The following CSDE1 variants were observed in gnomAD, a reference collection of about 807,000 sequenced individuals.
CSDE1 encodes the protein cold shock domain-containing protein E1.
CSDE1 carries 17 observed loss-of-function variants against 89.3 expected under a neutral mutation model. That is an observed-to-expected ratio of 0.19 (90% CI 0.13 to 0.29). The LOEUF (loss-of-function observed/expected upper bound fraction) is 0.29. Ranked by LOEUF, CSDE1 falls within the 10% of genes least tolerant of loss-of-function variation. The pLI is 1.00. For synonymous variants in CSDE1, 322 were observed against 332.8 expected, an observed-to-expected ratio of 0.97 and a Z score of 0.35; for missense variants, 672 against 984.2, an observed-to-expected ratio of 0.68 and a Z score of 4.24.
chr1:114,751,324 TAC>T (rs769723334), intron 1 of CSDE1, among the ~76,000 whole-genome samples: 4 of 152,220 alleles, frequency 2.6e-5, no homozygotes, highest in Non-Finnish European at 4.4e-5. Context: ...AAATTATTTC[TAC>T]AGAGATAAGA....
intron 12 of CSDE1, among the ~76,000 whole-genome samples, chr1:114,728,526 T>C (rs1034205434): frequency 1.3e-5 from 2 of 151,698 alleles, no homozygotes; most frequent in African/African-American, 4.8e-5. Context: ...ACTGTTGGAC[T>C]AAGAAAGAAA....
rs1360614772 is a variant in CSDE1 at position 114,739,843 on chromosome 1, G to A, written c.48C>T (p.Tyr16=). 7.4e-6 allele frequency: 12 copies of A among 1,614,020 alleles called. No homozygotes were observed. Among genetic ancestry groups the A allele is most frequent in the Non-Finnish European group, 9.3e-6 (11 of 1,179,950 alleles). ...GCAGTGCTGCTGAAGTACCATTAGG[G>A]TACCCATTATGTCCATTGTTGTGGA... is the stretch of plus-strand genomic sequence containing the variant. ...NLLHNNGHNG[Y]PNGTSAALRE... The change falls in exon 3 of 20, where the codon TAC becomes TAT. Residue 16 remains tyrosine, a synonymous_variant. Coordinates refer to ENST00000358528, the MANE Select transcript of CSDE1 (RefSeq NM_001007553.3).
rs150484514 is a variant in CSDE1 at position 114,739,567 on chromosome 1, C to T, written c.199+125G>A. On this transcript the variant is annotated intron_variant, in intron 3 of 19. Transcript: ENST00000358528. ...GTTTATACAGATATTCTTCACTAAA[C>T]AGTACAACTAAAAGTCCAAAATGTT... 1.5e-4 allele frequency: 106 copies of T among 725,158 alleles called. No homozygotes were observed. The African/African-American group carries it at 1.6e-3, about 11-fold the overall frequency. 44.9% of individuals were successfully genotyped at this position (725,158 alleles called of 1,614,324 possible). A position where few individuals can be genotyped will look rare whatever the true frequency, so the allele number is the denominator to read the frequency against.
chr1:114,750,864 A>G (rs1421559235), intron 1 of CSDE1, among the ~76,000 whole-genome samples: 2 of 152,240 alleles, frequency 1.3e-5, no homozygotes, highest in East Asian at 3.8e-4. Flanking sequence ...TTCTTTCTTC[A>G]GAGCAGCGAC....
At position 114,717,716 on chromosome 1, in the gene CSDE1, T is replaced by C. The variant is rs1227392961; in HGVS notation, c.*453A>G. On this transcript the variant is annotated 3_prime_UTR_variant, in exon 20 of 20. Transcript: ENST00000358528. ...TCATATGGTCCTCAGAATTAAAGCA[T>C]AATGAACAGGAAGAAAAAGGAAAAG... The C allele has an allele frequency of 6.4e-6, 1 of 157,224 alleles. No individual in the cohort carries two copies. Among genetic ancestry groups the C allele is most frequent in the African/African-American group, 2.4e-5 (1 of 41,568 alleles). The allele number at this position is 157,224 out of a possible 1,614,324, so 9.7% of individuals were successfully genotyped here. A position where few individuals can be genotyped will look rare whatever the true frequency, so the allele number is the denominator to read the frequency against.
At chr1:114,741,475 A>G (rs1660724280) in intron 2 of CSDE1, 2 of 1,486,192 alleles carry the variant, frequency 1.3e-6, no homozygotes, top group Non-Finnish European at 1.8e-6. Context: ...ATCCTAGGTC[A>G]TGCTCTTAAC....
At chr1:114,748,549 A>G (rs1661136506) in intron 2 of CSDE1, 2 of 152,220 alleles carry the variant, frequency 1.3e-5, no homozygotes, top group South Asian at 4.1e-4. Flanking sequence ...TTTCCATAAC[A>G]TATTTTAATA....
chr1:114,747,516 G>C lies in CSDE1; in HGVS notation c.-1+2305C>G, dbSNP rs370827623. Among the ~76,000 whole-genome samples, 10 of 152,260 alleles carry C rather than the reference G, an allele frequency of 6.6e-5. No homozygotes were observed. In the South Asian group the frequency reaches 2.1e-3, roughly 32 times the overall value. ...TACAAAGATTACACTAAACAAAAAG[G>C]ACTTCGTTAAATCTATTTCTATAAA... On this transcript the variant is annotated intron_variant, in intron 2 of 19. Coordinates refer to ENST00000358528, the MANE Select transcript of CSDE1 (RefSeq NM_001007553.3).
intron 2 of CSDE1, chr1:114,746,661 A>C (rs1407166223): frequency 6.6e-6 from 1 of 152,216 alleles, no homozygotes; most frequent in African/African-American, 2.4e-5. Context: ...TAGGTCTCTG[A>C]AAAAAGCAGG....
At chr1:114,732,469 T>C in intron 10 of CSDE1, 135 bp downstream of exon 10, 2 of 765,970 alleles carry the variant, frequency 2.6e-6, no homozygotes, top group Admixed American at 5.3e-5. Flanking sequence ...TGTGTATGAT[T>C]CTTAATCACC....
intron 16 of CSDE1, among the ~76,000 whole-genome samples, chr1:114,722,688 A>G (rs1217814420): frequency 1.3e-5 from 2 of 152,218 alleles, no homozygotes; most frequent in African/African-American, 4.8e-5. Context: ...GGGGATGGAA[A>G]AGGAAGTAAA....
In CSDE1 at chr1:114,717,297, G is replaced by T. The variant is rs1659233391; in HGVS notation, c.*872C>A. The stretch of plus-strand genomic sequence containing the variant: ...ATAAAAAAAAACAAGATTCATTTCA[G>T]GCACAACTTTTTTATTTTTTTTTGT... On this transcript the variant is annotated 3_prime_UTR_variant, in exon 20 of 20. Transcript: ENST00000358528. 6.6e-6 allele frequency: 1 copy of T among 152,442 alleles called. No homozygotes were observed. Among genetic ancestry groups the T allele is most frequent in the Non-Finnish European group, 1.5e-5 (1 of 68,024 alleles). The allele number at this position is 152,442 out of a possible 1,614,324, so 9.4% of individuals were successfully genotyped here.
chr1:114,737,896 C>A, intron 4 of CSDE1, 67 bp downstream of exon 4: 1 of 1,075,708 alleles, frequency 9.3e-7, no homozygotes, highest in Non-Finnish European at 1.4e-6. Flanking sequence ...GAGAATCTTC[C>A]TTTTCTAATG....
At chr1:114,730,843 C>T (rs1660057984) in intron 10 of CSDE1, among the ~76,000 whole-genome samples, 195 bp from the exon 11 acceptor site, 2 of 152,212 alleles carry the variant, frequency 1.3e-5, no homozygotes. Context: ...GAGCAATTTT[C>T]TAAGACTCTC....
intron 5 of CSDE1, 62 bp from the exon 6 acceptor site, chr1:114,736,917 TTTAC>T: frequency 4.7e-6 from 6 of 1,266,210 alleles, no homozygotes; most frequent in South Asian, 1.3e-5. Flanking sequence ...TATACTGTGA[TTTAC>T]TTACTTAAAA....
chr1:114,720,882 T>C (rs1659480884), intron 16 of CSDE1, among the ~76,000 whole-genome samples, 165 bp from the exon 17 acceptor site: 1 of 152,242 alleles, frequency 6.6e-6, no homozygotes, highest in Non-Finnish European at 1.5e-5. Context: ...AAATCCTAAA[T>C]GTTAAATACT....
intron 1 of CSDE1, among the ~76,000 whole-genome samples, chr1:114,753,739 AC>A (rs1175135189): frequency 6.6e-6 from 1 of 152,152 alleles, no homozygotes; most frequent in Non-Finnish European, 1.5e-5. Flanking sequence ...TGCTGTCTCT[AC>A]AAAAAATTTT....
Position 114,749,828 on chromosome 1 carries a change from T to C in CSDE1, c.-8A>G, listed in dbSNP as rs544691153. On this transcript the variant is annotated 5_prime_UTR_variant, in exon 2 of 20. Coordinates refer to ENST00000358528, the MANE Select transcript of CSDE1 (RefSeq NM_001007553.3). ...AGGAAATTACAAACCTACCTCGCAG[T>C]GATACTCAAATATTGCACTTTCAGT... The C allele has an allele frequency of 1.3e-5, 2 of 152,784 alleles. No homozygotes were observed. Among genetic ancestry groups the C allele is most frequent in the East Asian group, 3.8e-4 (2 of 5,196 alleles). The allele number at this position is 152,784 out of a possible 1,614,324, so 9.5% of individuals were successfully genotyped here.
At chr1:114,734,657 G>A in intron 6 of CSDE1, 134 bp from the exon 7 acceptor site, 1 of 635,098 alleles carries the variant, frequency 1.6e-6, no homozygotes, top group Non-Finnish European at 2.7e-6. Context: ...ATAAATACAG[G>A]GTTTATGACA....
Sources: allele counts gnomAD v4.1 joint callset (sites outside exome capture counted in the v4.1 genomes callset), GRCh38; gene constraint gnomAD v4.1.1; transcripts MANE v1.5; gene names NCBI Gene and HGNC (gene_info 2026-07-23, HGNC 2026-07-21).